TMEM14A: variants seen among roughly 807,000 people sequenced by gnomAD.
The protein encoded by TMEM14A is transmembrane protein 14A.
Under a neutral mutation model 11.6 loss-of-function variants are expected in TMEM14A, and 8 were observed. The ratio of observed to expected loss-of-function variants is 0.69; its 90% CI spans 0.40 to 1.24. The LOEUF is 1.24. Among genes scored for constraint, TMEM14A ranks in the 50% most tolerant of loss-of-function variants. The pLI is 0.01. For synonymous variants in TMEM14A, 34 were observed against 45.5 expected (o/e 0.75, Z 1.02); for missense variants, 108 against 121.9 (o/e 0.89, Z 0.54).
chr6:52,672,512 C>T (rs1044422152), intron 1 of TMEM14A, among the ~76,000 whole-genome samples: 1 of 152,064 alleles, frequency 6.6e-6, no homozygotes, highest in African/African-American at 2.4e-5. Flanking sequence ...ACATTCTAAA[C>T]AGGTCCCATC....
At chr6:52,683,295 A>G (rs1041199493) in intron 3 of TMEM14A, among the ~76,000 whole-genome samples, 1 of 152,022 alleles carries the variant, frequency 6.6e-6, no homozygotes, top group South Asian at 2.1e-4. Flanking sequence ...CCCTGTCTCT[A>G]CTAAAAGTAC....
intron 4 of TMEM14A, among the ~76,000 whole-genome samples, chr6:52,685,107 G>T (rs1769469171): frequency 6.6e-6 from 1 of 152,210 alleles, no homozygotes; most frequent in Admixed American, 6.5e-5. Flanking sequence ...AATATTTCAA[G>T]CTGTTAGTGT....
At chr6:52,677,655 A>G (rs997266216) in intron 2 of TMEM14A, among the ~76,000 whole-genome samples, 18 of 152,312 alleles carry the variant, frequency 1.2e-4, no homozygotes, top group Non-Finnish European at 2.1e-4. Context: ...TTCATGGAGA[A>G]AAAGGAAAGG....
At chr6:52,672,789 A>G (rs918916197) in intron 1 of TMEM14A, among the ~76,000 whole-genome samples, 2 of 152,212 alleles carry the variant, frequency 1.3e-5, no homozygotes, top group African/African-American at 4.8e-5. Context: ...ACCGTTATCA[A>G]CTAAGCTCTT....
At chr6:52,679,105 A>G (rs1376838202) in intron 2 of TMEM14A, among the ~76,000 whole-genome samples, 2 of 152,212 alleles carry the variant, frequency 1.3e-5, no homozygotes, top group Non-Finnish European at 2.9e-5. Context: ...ATCCTAAACT[A>G]GACCAGCTGT....
intron 3 of TMEM14A, 135 bp downstream of exon 3, chr6:52,682,049 A>C (rs1251652559): frequency 6.7e-6 from 4 of 600,294 alleles, no homozygotes; most frequent in Non-Finnish European, 1.1e-5. Flanking sequence ...GCTGAATACA[A>C]CACTTATTCC....
intron 1 of TMEM14A, among the ~76,000 whole-genome samples, chr6:52,675,960 G>A (rs1298806179): frequency 6.6e-6 from 1 of 152,192 alleles, no homozygotes; most frequent in African/African-American, 2.4e-5. Flanking sequence ...CAGGGGAGAA[G>A]GTTTAAAGGG....
chr6:52,671,308 A>G (rs75366423), intron 1 of TMEM14A, 63 bp downstream of exon 1: 1 of 152,306 alleles, frequency 6.6e-6, no homozygotes, highest in Admixed American at 6.5e-5. Flanking sequence ...AACTGCAGAA[A>G]TATAAGGGGC....
intron 2 of TMEM14A, among the ~76,000 whole-genome samples, chr6:52,680,711 A>ATGTATATATATATATATAAATATATG (rs1561875195): frequency 7.7e-6 from 1 of 130,578 alleles, no homozygotes; most frequent in African/African-American, 2.9e-5. Flanking sequence ...ATATACACAT[A>ATGTATATATATATATATAAATATATG]TATATATGGC....
intron 1 of TMEM14A, among the ~76,000 whole-genome samples, chr6:52,674,096 A>G (rs1433420367): frequency 6.6e-6 from 1 of 152,252 alleles, no homozygotes; most frequent in Non-Finnish European, 1.5e-5. Flanking sequence ...AGATGGAGAA[A>G]CTGAGTTATT....
At chr6:52,680,706 C>CATATATGTAT (rs1397954310) in intron 2 of TMEM14A, among the ~76,000 whole-genome samples, 7 of 24,452 alleles carry the variant, frequency 2.9e-4, no homozygotes, top group Admixed American at 5.9e-4. Flanking sequence ...TATATATATA[C>CATATATGTAT]ACATATATAT....
rs765341264 is a variant in TMEM14A at position 52,677,187 on chromosome 6, A to AATTTTC, written c.70+18_70+23dup. The AATTTTC allele has an allele frequency of 1.9e-6, 3 of 1,613,804 alleles. No individual in the cohort carries two copies. Among genetic ancestry groups the AATTTTC allele is most frequent in the Non-Finnish European group, 2.5e-6 (3 of 1,179,762 alleles). ...TAAGCGGAGAGGTAAGCCTAACCCA[A>AATTTTC]ATTTTCATGAAAGGGAATTAGTGGG... On this transcript the variant is annotated intron_variant, in intron 2 of 4. Coordinates refer to ENST00000211314, the MANE Select transcript of TMEM14A (RefSeq NM_014051.4).
intron 2 of TMEM14A, among the ~76,000 whole-genome samples, chr6:52,677,928 C>T (rs1257245466): frequency 2.6e-5 from 4 of 152,114 alleles, no homozygotes; most frequent in African/African-American, 4.8e-5. Context: ...AGTCAAAGAC[C>T]AGAAGCACCG....
intron 2 of TMEM14A, among the ~76,000 whole-genome samples, chr6:52,681,307 T>A (rs1263350024): frequency 2.0e-5 from 3 of 152,128 alleles, no homozygotes; most frequent in Non-Finnish European, 2.9e-5. Context: ...CCTTGAGTCC[T>A]GACATCTTGA....
At chr6:52,680,611 A>ATATATATG (rs1342408407) in intron 2 of TMEM14A, among the ~76,000 whole-genome samples, 2 of 107,560 alleles carry the variant, frequency 1.9e-5, no homozygotes, top group Non-Finnish European at 3.8e-5. Context: ...ATATATATAT[A>ATATATATG]TGTATATATA....
At chr6:52,685,797 A>G (rs1769482241) in intron 4 of TMEM14A, among the ~76,000 whole-genome samples, 1 of 152,188 alleles carries the variant, frequency 6.6e-6, no homozygotes, top group African/African-American at 2.4e-5. Context: ...TTTCAGAACA[A>G]CAGGTTCTGA....
intron 3 of TMEM14A, among the ~76,000 whole-genome samples, chr6:52,683,543 T>C (rs544846232): frequency 6.6e-6 from 1 of 152,168 alleles, no homozygotes; most frequent in Non-Finnish European, 1.5e-5. Flanking sequence ...CAGGAATGGA[T>C]TTTAACATGT....
rs771735530 is a variant in TMEM14A, at chr6:52,677,137, T to G, written c.35T>G (p.Val12Gly). Residue 12 changes from valine (V) to glycine (G), a missense_variant, in exon 2 of 5, where the codon GTG (valine) becomes GGG (glycine). Physicochemically the swap from Val to Gly is moderately radical, Grantham distance 109. Coordinates refer to ENST00000211314, the MANE Select transcript of TMEM14A (RefSeq NM_014051.4). ...DLIGFGYAALVTFGSIFGYKR... is the reference protein window; with the variant it reads ...DLIGFGYAALGTFGSIFGYKR... The stretch of plus-strand genomic sequence containing the variant: ...ATCGGTTTTGGTTATGCAGCCCTCG[T>G]GACATTTGGAAGCATTTTTGGATAT... The G allele has an allele frequency of 5.0e-6, 8 of 1,614,186 alleles. No homozygotes were observed. The South Asian group carries it at 6.6e-5, about 13-fold the overall frequency.
intron 1 of TMEM14A, 54 bp from the exon 2 acceptor site, chr6:52,677,033 C>T: frequency 6.6e-7 from 1 of 1,514,652 alleles, no homozygotes; most frequent in South Asian, 1.1e-5. Flanking sequence ...TAGATACATT[C>T]CCTCCCCAAA....
Sources: allele counts gnomAD v4.1 joint callset (sites outside exome capture counted in the v4.1 genomes callset), GRCh38; gene constraint gnomAD v4.1.1; transcripts MANE v1.5; gene names NCBI Gene and HGNC (gene_info 2026-07-23, HGNC 2026-07-21).